Variants in CPNE7 observed in about 807,000 individuals in gnomAD.
The protein encoded by CPNE7 is copine-7.
Under a neutral mutation model 66.5 loss-of-function variants are expected in CPNE7, and 78 were observed. The observed-to-expected ratio is 1.17, with a 90% CI of 0.98 to 1.42. The LOEUF (loss-of-function observed/expected upper bound fraction) is 1.42. CPNE7 is among the 40% of genes most tolerant of loss of function. The pLI is 0.00. For synonymous variants in CPNE7, 468 were observed against 336.7 expected (o/e 1.39, Z -4.27); for missense variants, 1,012 against 776.6 (o/e 1.30, Z -3.60).
chr16:89,588,882 CT>C, intron 10 of CPNE7, 74 bp downstream of exon 10: 1 of 1,574,518 alleles, frequency 6.4e-7, no homozygotes, highest in Non-Finnish European at 8.7e-7. Context: ...CGTCTTCCCC[CT>C]CACCCCCCTG....
chr16:89,585,626 C>T (rs995518786), intron 6 of CPNE7, 61 bp from the exon 7 acceptor site: 1 of 1,542,314 alleles, frequency 6.5e-7, no homozygotes. Flanking sequence ...GACACCTGGG[C>T]TCGGGTGGGA....
Position 89,584,035 on chromosome 16 carries a change from C to T in CPNE7, c.440C>T (p.Ala147Val), listed in dbSNP as rs375204346. 1 of 1,612,250 alleles carries T rather than the reference C, an allele frequency of 6.2e-7. No individual in the cohort carries two copies. Among genetic ancestry groups the T allele is most frequent in the Non-Finnish European group, 8.5e-7 (1 of 1,179,658 alleles). Reference protein sequence around the residue: ...NAGKSTITVIAEDISGNNGYV... With the variant: ...NAGKSTITVIVEDISGNNGYV... The stretch of plus-strand genomic sequence containing the variant: ...CGGGCGTCCCCCTGCCAGGTGATCG[C>T]CGAGGACATCTCGGGGAACAACGGC... Residue 147 changes from alanine to valine, a missense_variant, in exon 4 of 15, where the codon GCC becomes GTC. Transcript: ENST00000319518. This position sits in a 1 kb window ranked among gnomAD's most constrained non-coding sequence, Gnocchi z 6.0.
At chr16:89,591,819 G>C (rs2059174590) in intron 13 of CPNE7, among the ~76,000 whole-genome samples, 1 of 151,912 alleles carries the variant, frequency 6.6e-6, no homozygotes, top group Non-Finnish European at 1.5e-5. Context: ...TCCTGCCTCA[G>C]CCTCCCAAGG....
intron 1 of CPNE7, among the ~76,000 whole-genome samples, chr16:89,576,779 C>G (rs1348837905): frequency 6.6e-6 from 1 of 152,180 alleles, no homozygotes; most frequent in Non-Finnish European, 1.5e-5. Context: ...CCAGCGCGGG[C>G]CCGGGCGGCT....
At position 89,591,184 on chromosome 16, in the gene CPNE7, G is replaced by A. The variant is rs1159330696; in HGVS notation, c.1226G>A (p.Gly409Asp). ...TGCCTGCCCAGGGTCCAGCTCTACG[G>A]CCCCACCAACGTGGCGCCCATCATC... Reference protein sequence around the residue: ...QNCLPRVQLYGPTNVAPIISK... With the variant: ...QNCLPRVQLYDPTNVAPIISK... Residue 409 changes from glycine to aspartate, a missense_variant, in exon 13 of 15, where the codon GGC (glycine) becomes GAC (aspartate). By Grantham distance (94) the Gly-to-Asp change is moderately conservative (BLOSUM62 -1). Coordinates refer to ENST00000319518, the MANE Select transcript of CPNE7 (RefSeq NM_153636.3). 1 of 1,602,292 alleles carries A rather than the reference G, an allele frequency of 6.2e-7. No individual in the cohort carries two copies. Among genetic ancestry groups the A allele is most frequent in the African/African-American group, 1.3e-5 (1 of 74,728 alleles).
At position 89,584,104 on chromosome 16, in the gene CPNE7, T is replaced by TGA; in HGVS notation, c.507+4_507+5dup. ...CGGGCCAGGAAGCTGGACGACAAGG[T>TGA]GAGTGCAGGTGCCGGGCACGCCTGG... On this transcript the variant is annotated splice_region_variant and intron_variant, in intron 4 of 14. Transcript: ENST00000319518. The surrounding 1 kb of genome is among the most constrained non-coding windows in gnomAD (Gnocchi z 6.0). 6.2e-7 allele frequency: 1 copy of TGA among 1,609,146 alleles called. No individual in the cohort carries two copies. Among genetic ancestry groups the TGA allele is most frequent in the Non-Finnish European group, 8.5e-7 (1 of 1,178,416 alleles).
At chr16:89,587,692 C>T (rs1348451171) in intron 9 of CPNE7, 18 of 378,438 alleles carry the variant, frequency 4.8e-5, no homozygotes, top group Middle Eastern at 7.1e-4. Context: ...CCCATAGATA[C>T]GCACACCCCG....
Position 89,595,901 on chromosome 16 carries a change from C to T in CPNE7, c.1539+298C>T, listed in dbSNP as rs1380621101. ...CCCGTTGCTGCCAACCTCTGCGACC[C>T]GGCGAGACACGCACAGCACACACGT... On this transcript the variant is annotated intron_variant, in intron 14 of 14. Coordinates refer to ENST00000319518, the MANE Select transcript of CPNE7 (RefSeq NM_153636.3). 3.8e-5 allele frequency: 22 copies of T among 573,154 alleles called. 1 individual carries two copies. The highest frequency in any genetic ancestry group is 3.0e-4 in the South Asian group (20 of 65,598). 35.5% of individuals were successfully genotyped at this position (573,154 alleles called of 1,614,324 possible).
intron 9 of CPNE7, 77 bp from the exon 10 acceptor site, chr16:89,588,598 C>A (rs752715575): frequency 1.3e-6 from 2 of 1,580,938 alleles, no homozygotes; most frequent in Non-Finnish European, 1.7e-6. Flanking sequence ...CCACTCTGGG[C>A]GTGGTTTCTC....
In CPNE7 at chr16:89,588,698, C is replaced by T. The variant is rs780393630; in HGVS notation, c.951C>T (p.Ser317=). Residue 317 remains serine (S), a synonymous_variant, in exon 10 of 15, where the codon TCC becomes TCT. Transcript: ENST00000319518. The part of the protein sequence containing the change: ...HFTVAIDFTA[S]NGDPRNSCSL... ...AGGTGGCCATTGACTTCACCGCCTC[C>T]AATGGAGACCCGCGGAACAGCTGCT... is the stretch of plus-strand genomic sequence containing the variant. 4 of 1,613,300 alleles carry T rather than the reference C, an allele frequency of 2.5e-6. No individual in the cohort carries two copies. The highest frequency in any genetic ancestry group is 4.5e-5 in the East Asian group (2 of 44,892).
Position 89,589,781 on chromosome 16 carries a change from G to C in CPNE7, c.1062-116G>C, listed in dbSNP as rs1158386363. The C allele has an allele frequency of 2.7e-6, 3 of 1,091,402 alleles. No individual in the cohort carries two copies. In the African/African-American group the frequency reaches 4.7e-5, roughly 17 times the overall value. The allele number at this position is 1,091,402 out of a possible 1,614,324, so 67.6% of individuals were successfully genotyped here. A position where few individuals can be genotyped will look rare whatever the true frequency, so the allele number is the denominator to read the frequency against. On this transcript the variant is annotated intron_variant, in intron 10 of 14. Coordinates refer to ENST00000319518, the MANE Select transcript of CPNE7 (RefSeq NM_153636.3). ...CCTCTGGCAGGTGCTTACTGCCGTG[G>C]TACCAGGCCTGGGCACCCCCAGTCT...
chr16:89,576,660 G>T (rs2058864981), intron 1 of CPNE7, among the ~76,000 whole-genome samples: 1 of 152,206 alleles, frequency 6.6e-6, no homozygotes, highest in South Asian at 2.1e-4. Flanking sequence ...ACCTCGAAAG[G>T]GCGAGAAACG....
At chr16:89,591,663 G>A (rs1204462333) in intron 13 of CPNE7, among the ~76,000 whole-genome samples, 1 of 152,120 alleles carries the variant, frequency 6.6e-6, no homozygotes, top group Non-Finnish European at 1.5e-5. Context: ...CCCTGTATGT[G>A]TCTCTGGGGC....
Position 89,591,301 on chromosome 16 carries a change from C to T in CPNE7, c.1302+41C>T, listed in dbSNP as rs771656434. Reference sequence around the variant, plus strand: ...GTGTGGTGCATGCTTGGTGTGGGGTCGGCTGTGTGTGCACCAGCGCGTGGA... The same window carrying T: ...GTGTGGTGCATGCTTGGTGTGGGGTTGGCTGTGTGTGCACCAGCGCGTGGA... On this transcript the variant is annotated intron_variant, in intron 13 of 14. Transcript: ENST00000319518. 2.0e-5 allele frequency: 30 copies of T among 1,518,456 alleles called. No homozygotes were observed. The East Asian group carries it at 2.1e-4, about 11-fold the overall frequency. 94.1% of individuals were successfully genotyped at this position (1,518,456 alleles called of 1,614,324 possible).
rs781348698 is a variant in CPNE7 at position 89,577,646 on chromosome 16, C to T, written c.282C>T (p.Tyr94=). 1.3e-5 allele frequency: 20 copies of T among 1,590,668 alleles called. No homozygotes were observed. In the East Asian group the frequency reaches 1.6e-4, roughly 13 times the overall value. Residue 94 remains tyrosine (Y), a synonymous_variant, in exon 2 of 15, where the codon TAC becomes TAT. Coordinates refer to ENST00000319518, the MANE Select transcript of CPNE7 (RefSeq NM_153636.3). ...EEVQRLRFEV[Y]DTHGPSGFSC... Reference sequence around the variant, plus strand: ...TGCAGAGGCTGCGCTTTGAGGTGTACGACACGCATGGGCCCAGCGGCTTCA... The same window carrying T: ...TGCAGAGGCTGCGCTTTGAGGTGTATGACACGCATGGGCCCAGCGGCTTCA...
intron 14 of CPNE7, chr16:89,595,976 G>C: frequency 6.0e-6 from 3 of 501,146 alleles, no homozygotes; most frequent in Non-Finnish European, 1.2e-5. Flanking sequence ...GGTTCTACCC[G>C]GTGAGACGCA....
intron 13 of CPNE7, 50 bp downstream of exon 13, chr16:89,591,310 G>C (rs768226096): frequency 8.7e-6 from 13 of 1,496,560 alleles, no homozygotes; most frequent in Non-Finnish European, 3.6e-6. Context: ...TCGGCTGTGT[G>C]TGCACCAGCG....
Position 89,580,752 on chromosome 16 carries a change from G to A in CPNE7, c.358-2945G>A, listed in dbSNP as rs546262375. Among the ~76,000 whole-genome samples the A allele has an allele frequency of 7.5e-4, 106 of 142,104 alleles. 1 individual carries two copies. Among genetic ancestry groups the A allele is most frequent in the Admixed American group, 5.0e-3 (70 of 14,064 alleles). The allele number at this position is 142,104 out of a possible 152,430, so 93.2% of individuals were successfully genotyped here. ...ACACAGAACATCTCACCCATCACAC[G>A]GAACATCCCATCACCCGCTGACACA... is the stretch of plus-strand genomic sequence containing the variant. On this transcript the variant is annotated intron_variant, in intron 2 of 14. Transcript: ENST00000319518.
intron 7 of CPNE7, among the ~76,000 whole-genome samples, chr16:89,586,098 A>G (rs1201265743): frequency 2.6e-5 from 4 of 150,988 alleles, no homozygotes; most frequent in Non-Finnish European, 4.4e-5. Flanking sequence ...AGTCGGGGGC[A>G]CACCTGGGCT....
Sources: gnomAD v4.1 joint callset for allele counts (sites outside exome capture counted in the v4.1 genomes callset) on GRCh38, gnomAD v4.1.1 for gene constraint, Gnocchi (gnomAD v3.1) non-coding constraint, MANE v1.5 for transcripts, NCBI Gene and HGNC (gene_info 2026-07-23, HGNC 2026-07-21) for gene names.